Variants in ADGRB3 observed in about 807,000 individuals in gnomAD.
The protein encoded by ADGRB3 is adhesion G protein-coupled receptor B3.
ADGRB3 carries 37 observed loss-of-function variants against 193.4 expected under a neutral mutation model. That is an observed-to-expected ratio of 0.19 (90% confidence interval 0.15 to 0.25). The LOEUF (loss-of-function observed/expected upper bound fraction) is 0.25. ADGRB3 is among the 10% of genes least tolerant of loss of function. ADGRB3 has a pLI of 1.00. For synonymous variants in ADGRB3, 690 were observed against 644.2 expected (o/e 1.07, Z -1.08); for missense variants, 1,637 against 1,852.9 (o/e 0.88, Z 2.14).
In ADGRB3 at chr6:69,366,894, C is replaced by T. The variant is rs568172927; in HGVS notation, c.4239+5382C>T. 6.8e-4 allele frequency among the ~76,000 whole-genome samples: 104 copies of T among 152,144 alleles called. 2 individuals carry two copies. The highest frequency in any genetic ancestry group is 2.3e-3 in the African/African-American group (95 of 41,524). On this transcript the variant is annotated intron_variant, in intron 29 of 31. Coordinates refer to ENST00000370598, the MANE Select transcript of ADGRB3 (RefSeq NM_001704.3). ...GTGCCATGCCCTCTGCTAGATGCTG[C>T]GGATCTAAATGTAATCAAGATAGAA... is the stretch of plus-strand genomic sequence containing the variant.
chr6:68,894,594 T>C (rs1323543944), intron 3 of ADGRB3, among the ~76,000 whole-genome samples: 1 of 151,908 alleles, frequency 6.6e-6, no homozygotes, highest in Non-Finnish European at 1.5e-5. Context: ...AGTAGATAAT[T>C]ACCTTATGAA....
chr6:68,852,426 C>T (rs1365092153), intron 3 of ADGRB3, among the ~76,000 whole-genome samples: 1 of 151,830 alleles, frequency 6.6e-6, no homozygotes, highest in Non-Finnish European at 1.5e-5. Context: ...CAAAAATGCT[C>T]AAATTATTTT....
At chr6:68,967,685 G>A (rs1324714965) in intron 8 of ADGRB3, among the ~76,000 whole-genome samples, 3 of 151,660 alleles carry the variant, frequency 2.0e-5, no homozygotes, top group Admixed American at 2.0e-4. Context: ...AAGAAATAGG[G>A]TAATTCAAAA....
intron 3 of ADGRB3, among the ~76,000 whole-genome samples, chr6:68,922,673 T>C (rs1309525586): frequency 6.6e-6 from 1 of 152,152 alleles, no homozygotes; most frequent in African/African-American, 2.4e-5. Flanking sequence ...GGTATCTCCT[T>C]TTGCAGGAGG....
At chr6:69,194,768 G>T (rs538183856) in intron 17 of ADGRB3, among the ~76,000 whole-genome samples, 1 of 152,172 alleles carries the variant, frequency 6.6e-6, no homozygotes, top group East Asian at 1.9e-4. Context: ...GGGCTACTCT[G>T]CCTAGGTTTG....
intron 24 of ADGRB3, among the ~76,000 whole-genome samples, chr6:69,336,787 G>A (rs1006390909): frequency 6.6e-6 from 1 of 151,906 alleles, no homozygotes; most frequent in African/African-American, 2.4e-5. Context: ...ATTTTTCAAT[G>A]CAGCAACTCA....
chr6:68,838,666 G>C (rs1768091366), intron 3 of ADGRB3, among the ~76,000 whole-genome samples: 2 of 152,162 alleles, frequency 1.3e-5, no homozygotes, highest in Non-Finnish European at 2.9e-5. Context: ...GGGATCCTAA[G>C]TTCAGAGTTT....
chr6:68,715,113 G>A (rs1582142171), intron 3 of ADGRB3, among the ~76,000 whole-genome samples: 1 of 151,752 alleles, frequency 6.6e-6, no homozygotes, highest in Non-Finnish European at 1.5e-5. Context: ...CAGAGGGCAG[G>A]TAGTACAGCA....
At chr6:69,376,668 A>G (rs1379537557) in intron 30 of ADGRB3, among the ~76,000 whole-genome samples, 1 of 152,056 alleles carries the variant, frequency 6.6e-6, no homozygotes, top group Non-Finnish European at 1.5e-5. Context: ...AAATCAAAGT[A>G]TATTTCAATT....
chr6:69,016,751 T>C (rs1770103361), intron 12 of ADGRB3, among the ~76,000 whole-genome samples: 1 of 151,856 alleles, frequency 6.6e-6, no homozygotes, highest in South Asian at 2.1e-4. Context: ...TTGACATGCA[T>C]TGCAAAGAGA....
intron 13 of ADGRB3, among the ~76,000 whole-genome samples, chr6:69,030,891 T>C (rs1420030610): frequency 6.6e-6 from 1 of 150,850 alleles, no homozygotes; most frequent in Non-Finnish European, 1.5e-5. Context: ...TTCTAGAGTT[T>C]CTTACGAGTT....
intron 3 of ADGRB3, among the ~76,000 whole-genome samples, chr6:68,674,591 G>T (rs17255959): frequency 0.022 from 3,369 of 152,210 alleles, 66 homozygotes; most frequent in South Asian, 0.069. Flanking sequence ...TACTACTCTT[G>T]GTTTATCATG....
chr6:68,657,433 G>A (rs571737097), intron 3 of ADGRB3, among the ~76,000 whole-genome samples: 151 of 151,452 alleles, frequency 1.0e-3, no homozygotes, highest in Non-Finnish European at 1.9e-3. Flanking sequence ...TTAAACAGAC[G>A]AAAATATGGA....
At chr6:68,674,598 C>T (rs1769042321) in intron 3 of ADGRB3, among the ~76,000 whole-genome samples, 1 of 152,140 alleles carries the variant, frequency 6.6e-6, no homozygotes, top group African/African-American at 2.4e-5. Context: ...CTTGGTTTAT[C>T]ATGCAAAGGG....
intron 10 of ADGRB3, among the ~76,000 whole-genome samples, chr6:68,978,048 A>G (rs1303302277): frequency 4.0e-5 from 6 of 151,538 alleles, no homozygotes; most frequent in East Asian, 1.9e-4. Context: ...TTAGCTTGCT[A>G]TTTACAAAAT....
At chr6:68,956,910 A>G in intron 8 of ADGRB3, 101 bp downstream of exon 8, 1 of 1,315,676 alleles carries the variant, frequency 7.6e-7, no homozygotes, top group Non-Finnish European at 1.0e-6. Context: ...TTCCTCAACT[A>G]AAGAACTACT....
At chr6:69,345,490 C>T (rs896549735) in intron 26 of ADGRB3, among the ~76,000 whole-genome samples, 5 of 152,070 alleles carry the variant, frequency 3.3e-5, no homozygotes, top group African/African-American at 1.2e-4. Context: ...AAAAACAGAA[C>T]CAATGACAAA....
intron 3 of ADGRB3, among the ~76,000 whole-genome samples, chr6:68,744,958 G>T (rs2127343973): frequency 6.6e-6 from 1 of 152,234 alleles, no homozygotes; most frequent in South Asian, 2.1e-4. Context: ...AAGCAATTTT[G>T]TAACAAAGCA....
chr6:69,354,403 A>C lies in ADGRB3; in HGVS notation c.3555+75A>C. On this transcript the variant is annotated intron_variant, in intron 27 of 31. Coordinates refer to ENST00000370598, the MANE Select transcript of ADGRB3 (RefSeq NM_001704.3). ...GGAATAAAAGAAATCCTTATGAGTA[A>C]AATAGTGTAAAATTTTCATTTTGAT... The C allele has an allele frequency of 4.0e-6, 5 of 1,245,816 alleles. No individual in the cohort carries two copies. The South Asian group carries it at 4.9e-5, about 12-fold the overall frequency. The allele number at this position is 1,245,816 out of a possible 1,614,324, so 77.2% of individuals were successfully genotyped here.
Sources: allele counts gnomAD v4.1 joint callset (sites outside exome capture counted in the v4.1 genomes callset), GRCh38; gene constraint gnomAD v4.1.1; transcripts MANE v1.5; gene names NCBI Gene and HGNC (gene_info 2026-07-23, HGNC 2026-07-21).